Variants in HS3ST5 observed in about 807,000 individuals in gnomAD.
The protein encoded by HS3ST5 is heparan sulfate-glucosamine 3-sulfotransferase 5, also known as heparan sulfate glucosamine 3-O-sulfotransferase 5.
In HS3ST5, 10 loss-of-function variants were observed where a neutral mutation model predicts 25.4. The observed-to-expected ratio is 0.39, with a 90% CI of 0.24 to 0.67. HS3ST5 has a LOEUF of 0.67. HS3ST5 is among the 30% of genes least tolerant of loss of function. The probability of loss-of-function intolerance (pLI) is 0.44; values close to 1 mark genes in which losing one functional copy is unlikely to be tolerated. For missense variants in HS3ST5, 324 were observed against 420.7 expected, an observed-to-expected ratio of 0.77 and a Z score of 2.01; for synonymous variants, 170 against 162.4, an observed-to-expected ratio of 1.05 and a Z score of -0.36.
At chr6:114,126,786 C>A (rs768841803) in intron 3 of HS3ST5, among the ~76,000 whole-genome samples, 4 of 152,058 alleles carry the variant, frequency 2.6e-5, no homozygotes, top group Non-Finnish European at 5.9e-5. Flanking sequence ...ATTTCAGGCA[C>A]CCTGCTGGGC....
chr6:114,065,696 A>G (rs1038278871), intron 3 of HS3ST5, among the ~76,000 whole-genome samples: 6 of 152,268 alleles, frequency 3.9e-5, no homozygotes, highest in Non-Finnish European at 7.3e-5. Flanking sequence ...GTGCATTCAC[A>G]GATGAGTAGT....
intron 3 of HS3ST5, among the ~76,000 whole-genome samples, chr6:114,130,075 A>G (rs936345949): frequency 6.6e-6 from 1 of 152,254 alleles, no homozygotes; most frequent in Admixed American, 6.5e-5. Context: ...AACGAAGTAT[A>G]TAGATAACAA....
intron 1 of HS3ST5, among the ~76,000 whole-genome samples, chr6:114,334,826 T>G (rs1776543596): frequency 6.6e-6 from 1 of 152,220 alleles, no homozygotes; most frequent in African/African-American, 2.4e-5. Flanking sequence ...TAGAAGGATT[T>G]TGGCAGACTT....
intron 3 of HS3ST5, among the ~76,000 whole-genome samples, chr6:114,151,597 T>C (rs1778453479): frequency 6.6e-6 from 1 of 152,240 alleles, no homozygotes; most frequent in Non-Finnish European, 1.5e-5. Flanking sequence ...ATTAGCTTTC[T>C]GGTAAATGGG....
intron 1 of HS3ST5, among the ~76,000 whole-genome samples, chr6:114,337,070 C>T (rs1426364500): frequency 2.0e-5 from 3 of 152,206 alleles, no homozygotes; most frequent in African/African-American, 7.2e-5. Flanking sequence ...TATTATTTCA[C>T]ACTTCTTACA....
chr6:114,276,549 C>T (rs1412107661), intron 1 of HS3ST5, among the ~76,000 whole-genome samples: 2 of 149,944 alleles, frequency 1.3e-5, no homozygotes, highest in Non-Finnish European at 3.0e-5. Flanking sequence ...GTACAAATTC[C>T]ATTTACATAA....
intron 1 of HS3ST5, among the ~76,000 whole-genome samples, chr6:114,260,912 C>A (rs1773141453): frequency 7.2e-6 from 1 of 138,436 alleles, no homozygotes; most frequent in Admixed American, 7.3e-5. Flanking sequence ...TAAAAATAGG[C>A]ATGATGGCAT....
intron 3 of HS3ST5, among the ~76,000 whole-genome samples, chr6:114,157,437 G>A (rs1003079683): frequency 6.6e-6 from 1 of 152,028 alleles, no homozygotes; most frequent in Admixed American, 6.5e-5. Context: ...AGTTGCAGGG[G>A]GATGGAAAGA....
At chr6:114,207,313 C>A (rs944218219) in intron 2 of HS3ST5, among the ~76,000 whole-genome samples, 1 of 152,004 alleles carries the variant, frequency 6.6e-6, no homozygotes, top group African/African-American at 2.4e-5. Flanking sequence ...AGAAAAGGAG[C>A]GCAAGTCAGG....
chr6:114,341,272 C>G (rs538450952), intron 1 of HS3ST5, among the ~76,000 whole-genome samples: 2 of 75,428 alleles, frequency 2.7e-5, no homozygotes, highest in Admixed American at 1.3e-4. Context: ...TGAGTCCCAC[C>G]GGGTGAAGAC....
chr6:114,137,162 T>C (rs1177103398), intron 3 of HS3ST5, among the ~76,000 whole-genome samples: 1 of 152,196 alleles, frequency 6.6e-6, no homozygotes. Context: ...AATTATCTCT[T>C]CTTGAATAGG....
At chr6:114,193,126 G>A in intron 2 of HS3ST5, among the ~76,000 whole-genome samples, 1 of 152,116 alleles carries the variant, frequency 6.6e-6, no homozygotes, top group East Asian at 1.9e-4. Context: ...CTCATTCATG[G>A]AGCACTTTCA....
intron 3 of HS3ST5, among the ~76,000 whole-genome samples, chr6:114,152,966 T>A (rs11153467): frequency 0.33 from 50,858 of 152,080 alleles, 9,291 homozygotes; most frequent in East Asian, 0.61. Flanking sequence ...TATTTTGCTT[T>A]GGGCTAGTCC....
chr6:114,310,160 A>G (rs1016741041), intron 1 of HS3ST5, among the ~76,000 whole-genome samples: 2 of 152,216 alleles, frequency 1.3e-5, no homozygotes, highest in African/African-American at 4.8e-5. Context: ...ATTTAAATCC[A>G]AACTAAAATT....
intron 3 of HS3ST5, among the ~76,000 whole-genome samples, chr6:114,119,287 T>C (rs959522228): frequency 6.6e-6 from 1 of 152,236 alleles, no homozygotes; most frequent in South Asian, 2.1e-4. Context: ...GGCATGGTGG[T>C]TGGACCACCA....
At chr6:114,294,804 C>T (rs955018877) in intron 1 of HS3ST5, among the ~76,000 whole-genome samples, 1 of 152,156 alleles carries the variant, frequency 6.6e-6, no homozygotes, top group Non-Finnish European at 1.5e-5. Context: ...TTTTGTTTCA[C>T]TAATGTTGGC....
intron 1 of HS3ST5, among the ~76,000 whole-genome samples, chr6:114,309,438 T>A (rs181711506): frequency 6.6e-6 from 1 of 152,134 alleles, no homozygotes. Context: ...CCTGGCCAGG[T>A]GTGGTGGCTC....
chr6:114,141,162 C>A (rs942465987), intron 3 of HS3ST5, among the ~76,000 whole-genome samples: 15 of 152,168 alleles, frequency 9.9e-5, no homozygotes, highest in Non-Finnish European at 1.9e-4. Flanking sequence ...CTTCCTGCCC[C>A]TACAAATTCA....
chr6:114,109,634 C>T (rs1281233587), intron 3 of HS3ST5, among the ~76,000 whole-genome samples: 1 of 152,152 alleles, frequency 6.6e-6, no homozygotes, highest in Non-Finnish European at 1.5e-5. Context: ...GGACCCTCAT[C>T]GCTCTCCTTT....
Sources: gnomAD v4.1 joint callset for allele counts (sites outside exome capture counted in the v4.1 genomes callset) on GRCh38, gnomAD v4.1.1 for gene constraint, MANE v1.5 for transcripts, NCBI Gene and HGNC (gene_info 2026-07-23, HGNC 2026-07-21) for gene names.